Variants in ADCY9 observed in about 807,000 individuals in gnomAD.
ADCY9 encodes adenylate cyclase type 9.
A neutral mutation model predicts 101.5 loss-of-function variants in ADCY9; 50 were observed. That is an observed-to-expected ratio of 0.49 (90% CI 0.39 to 0.62). ADCY9 has a LOEUF of 0.62. ADCY9 is among the 20% of genes least tolerant of loss of function. The probability of loss-of-function intolerance (pLI) is 0.00; values close to 1 mark genes in which losing one functional copy is unlikely to be tolerated. For synonymous variants in ADCY9, 905 were observed against 769.3 expected (o/e 1.18, Z -2.92); for missense variants, 1,662 against 1,800.4 (o/e 0.92, Z 1.39).
rs182059188 is a variant in ADCY9 at position 4,083,227 on chromosome 16, A to G, written c.1693+30523T>C. The stretch of plus-strand genomic sequence containing the variant: ...CACAACAAAAACCATCTTAACCAAT[A>G]TAACATGCTTATTTTATCAAAACAT... On this transcript the variant is annotated intron_variant, in intron 2 of 10. Coordinates refer to ENST00000294016, the MANE Select transcript of ADCY9 (RefSeq NM_001116.4). 2.7e-3 allele frequency among the ~76,000 whole-genome samples: 409 copies of G among 152,364 alleles called. 2 individuals carry two copies. Among genetic ancestry groups the G allele is most frequent in the Admixed American group, 6.1e-3 (94 of 15,302 alleles).
chr16:4,104,869 G>C (rs1255295005), intron 2 of ADCY9, among the ~76,000 whole-genome samples: 1 of 151,792 alleles, frequency 6.6e-6, no homozygotes, highest in Non-Finnish European at 1.5e-5. Flanking sequence ...CCGTGGGTCG[G>C]GCGCAGTGGC....
Position 4,115,032 on chromosome 16 carries a change from G to C in ADCY9, c.411C>G (p.His137Gln). The C allele has an allele frequency of 6.2e-7, 1 of 1,614,128 alleles. No homozygotes were observed. Among genetic ancestry groups the C allele is most frequent in the Non-Finnish European group, 8.5e-7 (1 of 1,180,040 alleles). The change falls in exon 2 of 11, where the codon CAC (histidine) becomes CAG (glutamine). Residue 137 changes from histidine to glutamine, a missense_variant. Around this residue, in one of 5 missense-constraint regions of ADCY9, gnomAD observed 422 missense variants for 392.0 expected, o/e 1.08. Transcript: ENST00000294016. This position sits in a 1 kb window ranked among gnomAD's most constrained non-coding sequence, Gnocchi z 6.2. The part of the protein sequence containing the change: ...CLLWSIYFAV[H>Q]MRSRLIVMVA... ...CCATGACGATCAGTCTGGATCTCATGTGGACCGCAAAATAGATGCTCCACA... is the reference window on the plus strand; with the variant it reads ...CCATGACGATCAGTCTGGATCTCATCTGGACCGCAAAATAGATGCTCCACA...
chr16:4,018,283 G>A (rs1395527511), intron 2 of ADCY9, among the ~76,000 whole-genome samples: 2 of 149,636 alleles, frequency 1.3e-5, no homozygotes, highest in Non-Finnish European at 3.0e-5. Context: ...GCATGATCTC[G>A]GCTCACTGCA....
chr16:3,972,701 C>T (rs929979153), intron 10 of ADCY9, among the ~76,000 whole-genome samples: 6 of 152,116 alleles, frequency 3.9e-5, no homozygotes, highest in South Asian at 2.1e-4. Flanking sequence ...AACGTGGCTT[C>T]GGTTGACACT....
At chr16:4,040,676 C>A (rs1258602611) in intron 2 of ADCY9, among the ~76,000 whole-genome samples, 1 of 152,054 alleles carries the variant, frequency 6.6e-6, no homozygotes, top group Non-Finnish European at 1.5e-5. Context: ...AGACTGGTCT[C>A]GAACTCCTGA....
chr16:4,007,699 G>A (rs1432731585), intron 2 of ADCY9, 141 bp from the exon 3 acceptor site: 3 of 654,366 alleles, frequency 4.6e-6, no homozygotes, highest in South Asian at 4.7e-5. Context: ...AGTTTACGAC[G>A]GACGTCCACG....
At chr16:4,086,929 G>A (rs1178288431) in intron 2 of ADCY9, among the ~76,000 whole-genome samples, 1 of 152,062 alleles carries the variant, frequency 6.6e-6, no homozygotes, top group Non-Finnish European at 1.5e-5. Context: ...CAGAGTGCTG[G>A]AATTACAGGC....
At chr16:4,049,521 A>G (rs1311253028) in intron 2 of ADCY9, among the ~76,000 whole-genome samples, 2 of 152,186 alleles carry the variant, frequency 1.3e-5, no homozygotes, top group Non-Finnish European at 2.9e-5. Context: ...TGTCACCTTC[A>G]GTCTCTGTAG....
intron 2 of ADCY9, among the ~76,000 whole-genome samples, chr16:4,029,541 G>A (rs994609382): frequency 6.6e-5 from 10 of 152,240 alleles, no homozygotes; most frequent in African/African-American, 2.4e-4. Context: ...GAGGTCGGGA[G>A]TTGAAGAGCA....
At chr16:4,059,802 G>A (rs1367060778) in intron 2 of ADCY9, among the ~76,000 whole-genome samples, 3 of 152,208 alleles carry the variant, frequency 2.0e-5, no homozygotes, top group Non-Finnish European at 4.4e-5. Flanking sequence ...GGAGGCTGAG[G>A]TGGGAAAATC....
intron 2 of ADCY9, among the ~76,000 whole-genome samples, chr16:4,022,372 TCA>T (rs539190043): frequency 3.9e-4 from 59 of 151,212 alleles, no homozygotes; most frequent in African/African-American, 1.4e-3. Flanking sequence ...CATGCTGTAA[TCA>T]CAGTTCCTCA....
chr16:4,024,611 C>T lies in ADCY9; in HGVS notation c.1694-17053G>A, dbSNP rs116858396. 2.8e-3 allele frequency among the ~76,000 whole-genome samples: 430 copies of T among 152,126 alleles called. 9 individuals carry two copies. The highest frequency in any genetic ancestry group is 0.021 in the Admixed American group (317 of 15,256). On this transcript the variant is annotated intron_variant, in intron 2 of 10. Coordinates refer to ENST00000294016, the MANE Select transcript of ADCY9 (RefSeq NM_001116.4). Reference sequence around the variant, plus strand: ...CACAGCTCTGGGTGGCGAATGGCTCCGGAGGTGTCAGGAGTAGAAGCGGGG... The same window carrying T: ...CACAGCTCTGGGTGGCGAATGGCTCTGGAGGTGTCAGGAGTAGAAGCGGGG...
At chr16:4,035,659 G>A (rs1032647207) in intron 2 of ADCY9, among the ~76,000 whole-genome samples, 2 of 152,040 alleles carry the variant, frequency 1.3e-5, no homozygotes, top group Admixed American at 1.3e-4. Flanking sequence ...GGGAAATTTC[G>A]CTTTGTTTCA....
chr16:4,106,355 C>A (rs143449536), intron 2 of ADCY9, among the ~76,000 whole-genome samples: 1 of 152,098 alleles, frequency 6.6e-6, no homozygotes, highest in Admixed American at 6.6e-5. Flanking sequence ...CCACGGATGG[C>A]GGCCCCACAT....
intron 3 of ADCY9, among the ~76,000 whole-genome samples, chr16:4,006,890 C>T (rs953885013): frequency 1.3e-5 from 2 of 152,178 alleles, no homozygotes; most frequent in African/African-American, 4.8e-5. Flanking sequence ...GCAGCCTGTC[C>T]TCTCAGTGAG....
In ADCY9 at chr16:4,115,545, C is replaced by G; in HGVS notation, c.-43-60G>C. 7.3e-7 allele frequency: 1 copy of G among 1,363,852 alleles called. No homozygotes were observed. The highest frequency in any genetic ancestry group is 9.7e-7 in the Non-Finnish European group (1 of 1,030,676). The allele number at this position is 1,363,852 out of a possible 1,614,324, so 84.5% of individuals were successfully genotyped here. On this transcript the variant is annotated intron_variant, in intron 1 of 10. Coordinates refer to ENST00000294016, the MANE Select transcript of ADCY9 (RefSeq NM_001116.4). This position sits in a 1 kb window ranked among gnomAD's most constrained non-coding sequence, Gnocchi z 6.2. ...CACCTAGGCATGCACGCCTAGAGGC[C>G]CGGGACCTGCTCCTGTCCTAAGGGG... is the stretch of plus-strand genomic sequence containing the variant.
chr16:4,046,808 A>G (rs1369207050), intron 2 of ADCY9, among the ~76,000 whole-genome samples: 1 of 152,160 alleles, frequency 6.6e-6, no homozygotes, highest in Non-Finnish European at 1.5e-5. Flanking sequence ...CCTGGGCAAC[A>G]TAAGTGAGAC....
chr16:4,104,302 A>AG (rs1457264569), intron 2 of ADCY9, among the ~76,000 whole-genome samples: 1 of 152,248 alleles, frequency 6.6e-6, no homozygotes, highest in Non-Finnish European at 1.5e-5. Flanking sequence ...GCATCATTCA[A>AG]GAGACCAATA....
chr16:4,039,318 G>C (rs1321388478), intron 2 of ADCY9, among the ~76,000 whole-genome samples: 1 of 152,026 alleles, frequency 6.6e-6, no homozygotes, highest in Non-Finnish European at 1.5e-5. Context: ...GCCATTTTAG[G>C]TGTTCTGCTA....
Sources: gnomAD v4.1 joint callset for allele counts (sites outside exome capture counted in the v4.1 genomes callset) on GRCh38, gnomAD v4.1.1 for gene constraint, gnomAD v4.1.1 regional missense constraint, Gnocchi (gnomAD v3.1) non-coding constraint, MANE v1.5 for transcripts, NCBI Gene and HGNC (gene_info 2026-07-23, HGNC 2026-07-21) for gene names.